The following DIS3L2 variants were observed in gnomAD, a reference collection of about 807,000 sequenced individuals.
DIS3L2 encodes the protein DIS3 like 3'-5' exoribonuclease 2, also known as DIS3-like exonuclease 2.
DIS3L2 carries 34 observed loss-of-function variants against 97.5 expected under a neutral mutation model. The observed-to-expected ratio is 0.35, with a 90% CI of 0.27 to 0.46. The LOEUF is 0.46. DIS3L2 is among the 20% of genes least tolerant of loss of function. DIS3L2 has a pLI of 1.00. For synonymous variants in DIS3L2, 435 were observed against 445.2 expected, an observed-to-expected ratio of 0.98 and a Z score of 0.29; for missense variants, 1,038 against 1,146.0, an observed-to-expected ratio of 0.91 and a Z score of 1.36.
chr2:232,136,319 A>G (rs1251051666), intron 7 of DIS3L2, among the ~76,000 whole-genome samples, 153 bp from the exon 8 acceptor site: 1 of 152,172 alleles, frequency 6.6e-6, no homozygotes, highest in African/African-American at 2.4e-5. Flanking sequence ...AATATAGATT[A>G]CTAAGTCACA....
intron 5 of DIS3L2, among the ~76,000 whole-genome samples, chr2:232,064,821 A>C (rs1057308412): frequency 5.3e-5 from 8 of 152,012 alleles, no homozygotes; most frequent in Non-Finnish European, 4.4e-5. Context: ...TTGTATTTAC[A>C]CCCATTAATA....
Position 232,323,547 on chromosome 2 carries a change from C to T in DIS3L2, c.1740-6266C>T, listed in dbSNP as rs141060852. ...CCCTGCCATGGACTGAGCCTCCCAGCCTAGGAAACCTGGCTCTGGCCTCCC... is the reference window on the plus strand; with the variant it reads ...CCCTGCCATGGACTGAGCCTCCCAGTCTAGGAAACCTGGCTCTGGCCTCCC... On this transcript the variant is annotated intron_variant, in intron 14 of 20. Transcript: ENST00000325385. Among the ~76,000 whole-genome samples, 451 of 152,292 alleles carry T rather than the reference C, an allele frequency of 3.0e-3. 1 individual carries two copies. Among genetic ancestry groups the T allele is most frequent in the African/African-American group, 0.01 (427 of 41,554 alleles).
intron 10 of DIS3L2, among the ~76,000 whole-genome samples, chr2:232,222,214 A>G (rs1476587007): frequency 2.6e-5 from 4 of 152,172 alleles, no homozygotes; most frequent in African/African-American, 9.6e-5. Context: ...AAGTGCTGGG[A>G]TTACAGGCGT....
At chr2:232,181,203 C>G (rs933263890) in intron 9 of DIS3L2, among the ~76,000 whole-genome samples, 20 of 148,926 alleles carry the variant, frequency 1.3e-4, no homozygotes, top group African/African-American at 4.7e-4. Context: ...ATGGGCTTCC[C>G]TTTGTGGGTA....
intron 9 of DIS3L2, among the ~76,000 whole-genome samples, chr2:232,182,245 ATTTC>A (rs1213090079): frequency 3.3e-5 from 5 of 151,918 alleles, no homozygotes; most frequent in African/African-American, 1.2e-4. Flanking sequence ...AATTTCTCTA[ATTTC>A]TTTATGCTAT....
At chr2:232,148,748 C>CTTT (rs34837114) in intron 8 of DIS3L2, among the ~76,000 whole-genome samples, 2,815 of 98,784 alleles carry the variant, frequency 0.028, 121 homozygotes, top group African/African-American at 0.032. Flanking sequence ...AATTTTCTTT[C>CTTT]TTTTTTTTTT....
At chr2:232,018,562 T>G (rs992360853) in intron 3 of DIS3L2, among the ~76,000 whole-genome samples, 2 of 152,186 alleles carry the variant, frequency 1.3e-5, no homozygotes, top group East Asian at 3.8e-4. Context: ...CAAGAAAGGA[T>G]GTTTTAATGC....
intron 1 of DIS3L2, among the ~76,000 whole-genome samples, chr2:231,975,965 T>G (rs1404115710): frequency 6.6e-6 from 1 of 152,062 alleles, no homozygotes; most frequent in Admixed American, 6.6e-5. Flanking sequence ...TCTTTTTCTC[T>G]CCTCTTTCTC....
At chr2:231,983,843 C>T (rs954462647) in intron 1 of DIS3L2, among the ~76,000 whole-genome samples, 23 of 150,442 alleles carry the variant, frequency 1.5e-4, no homozygotes, top group African/African-American at 5.4e-4. Context: ...GAGCCGAGAT[C>T]ACGCCACTGC....
chr2:231,962,559 C>T (rs930334572), intron 1 of DIS3L2, among the ~76,000 whole-genome samples: 9 of 151,912 alleles, frequency 5.9e-5, no homozygotes, highest in Admixed American at 1.3e-4. Flanking sequence ...CTCAGCCTCC[C>T]GAGTAGCTGG....
At position 232,334,723 on chromosome 2, in the gene DIS3L2, C is replaced by A. The variant is rs2106354789; in HGVS notation, c.2382C>A (p.Arg794=). Residue 794 remains arginine, a synonymous_variant, in exon 19 of 21, where the codon CGC becomes CGA. Transcript: ENST00000325385. ...TGCTGCGCTACGGCGTGCAGAAGCG[C>A]ATCTACTGCAACGTGAGTGCCCTGG... is the stretch of plus-strand genomic sequence containing the variant. The part of the protein sequence containing the change: ...VLVLRYGVQK[R]IYCNALALRS... The A allele has an allele frequency of 2.8e-5, 45 of 1,606,042 alleles. No homozygotes were observed. The highest frequency in any genetic ancestry group is 3.8e-5 in the Non-Finnish European group (45 of 1,176,740).
At chr2:232,070,718 G>A (rs916494671) in intron 5 of DIS3L2, among the ~76,000 whole-genome samples, 6 of 152,018 alleles carry the variant, frequency 3.9e-5, no homozygotes, top group South Asian at 2.1e-4. Flanking sequence ...CCTAGTAGCT[G>A]GGACTACAGG....
intron 10 of DIS3L2, among the ~76,000 whole-genome samples, chr2:232,223,777 T>C (rs1225052839): frequency 3.3e-5 from 5 of 152,204 alleles, no homozygotes; most frequent in South Asian, 2.1e-4. Context: ...AAAGTTATTA[T>C]TAATATAAAA....
intron 13 of DIS3L2, among the ~76,000 whole-genome samples, chr2:232,284,490 A>G (rs544461849): frequency 1.3e-4 from 20 of 152,268 alleles, no homozygotes; most frequent in Admixed American, 3.9e-4. Context: ...TTTACTCCCA[A>G]CTTTGCAGTC....
intron 1 of DIS3L2, among the ~76,000 whole-genome samples, chr2:231,987,392 A>T (rs935565251): frequency 6.6e-6 from 1 of 152,244 alleles, no homozygotes; most frequent in Admixed American, 6.5e-5. Context: ...GAATCATAAC[A>T]TTGGATTTAA....
intron 5 of DIS3L2, among the ~76,000 whole-genome samples, chr2:232,076,648 A>T (rs1441096442): frequency 1.3e-5 from 2 of 151,998 alleles, no homozygotes; most frequent in African/African-American, 2.4e-5. Flanking sequence ...GTAGTTCTTT[A>T]TATATTCTGG....
At chr2:232,048,625 G>C (rs1471335369) in intron 5 of DIS3L2, among the ~76,000 whole-genome samples, 1 of 151,908 alleles carries the variant, frequency 6.6e-6, no homozygotes, top group Non-Finnish European at 1.5e-5. Flanking sequence ...CCAGCTACTC[G>C]GGAGGCTGAG....
intron 11 of DIS3L2, among the ~76,000 whole-genome samples, chr2:232,241,058 A>T (rs994616514): frequency 3.9e-5 from 6 of 152,196 alleles, no homozygotes; most frequent in African/African-American, 1.4e-4. Context: ...GCTGCCCGGC[A>T]CTGCCTCCAG....
intron 1 of DIS3L2, among the ~76,000 whole-genome samples, chr2:231,995,775 T>C (rs907310760): frequency 6.6e-6 from 1 of 152,228 alleles, no homozygotes; most frequent in Non-Finnish European, 1.5e-5. Flanking sequence ...TTAGCAGTTA[T>C]AATAATTCAA....
Sources: gnomAD v4.1 joint callset for allele counts (sites outside exome capture counted in the v4.1 genomes callset) on GRCh38, gnomAD v4.1.1 for gene constraint, MANE v1.5 for transcripts, NCBI Gene and HGNC (gene_info 2026-07-23, HGNC 2026-07-21) for gene names.